The following ACACA variants were observed in gnomAD, a reference collection of about 807,000 sequenced individuals.
ACACA encodes acetyl-CoA carboxylase alpha, also known as acetyl-CoA carboxylase 1.
Under a neutral mutation model 296.1 loss-of-function variants are expected in ACACA, and 103 were observed. The ratio of observed to expected loss-of-function variants is 0.35; its 90% CI spans 0.30 to 0.41. ACACA has a LOEUF of 0.41. Ranked by LOEUF, ACACA falls within the 10% of genes least tolerant of loss-of-function variation. The pLI is 1.00. For synonymous variants in ACACA, 953 were observed against 1,038.6 expected (o/e 0.92, Z 1.58); for missense variants, 1,554 against 2,989.7 (o/e 0.52, Z 11.20).
At chr17:37,302,243 C>T (rs893253126) in intron 3 of ACACA, among the ~76,000 whole-genome samples, 3 of 150,256 alleles carry the variant, frequency 2.0e-5, no homozygotes, top group African/African-American at 7.4e-5. Flanking sequence ...GCTCTTGTGA[C>T]CCAGGCTGGA....
intron 45 of ACACA, among the ~76,000 whole-genome samples, chr17:37,147,783 T>C (rs925419525): frequency 2.0e-5 from 3 of 152,210 alleles, no homozygotes; most frequent in Non-Finnish European, 4.4e-5. Context: ...TATTTATCTT[T>C]CACCCTGTAA....
intron 49 of ACACA, among the ~76,000 whole-genome samples, 171 bp from the exon 50 acceptor site, chr17:37,121,661 C>T (rs185795863): frequency 6.6e-6 from 1 of 152,318 alleles, no homozygotes; most frequent in Non-Finnish European, 1.5e-5. Context: ...AAAGGATCCT[C>T]GATCTTTGAC....
intron 45 of ACACA, among the ~76,000 whole-genome samples, chr17:37,130,629 T>C (rs1362558117): frequency 1.3e-5 from 2 of 151,406 alleles, no homozygotes; most frequent in African/African-American, 4.9e-5. Context: ...ATCACATTCA[T>C]GGTTGCAATT....
chr17:37,274,199 C>T lies in ACACA; in HGVS notation c.1002G>A (p.Gly334=). The change falls in exon 9 of 56, where the codon GGG becomes GGA. Residue 334 remains glycine, a synonymous_variant. Coordinates refer to ENST00000616317, the MANE Select transcript of ACACA (RefSeq NM_198834.3). Reference sequence around the variant, plus strand: ...CCTGGAGTTAGTAACCTACCTGTAGCCCATCATCCACATCTTTCACATAAC... The same window carrying T: ...CCTGGAGTTAGTAACCTACCTGTAGTCCATCATCCACATCTTTCACATAAC... ...EKGYVKDVDD[G]LQAAEEVGYP... is the part of the protein sequence containing the mutation. 1 of 1,612,734 alleles carries T rather than the reference C, an allele frequency of 6.2e-7. No individual in the cohort carries two copies. Among genetic ancestry groups the T allele is most frequent in the South Asian group, 1.1e-5 (1 of 91,064 alleles).
At chr17:37,338,483 C>A (rs2048236975) in intron 2 of ACACA, among the ~76,000 whole-genome samples, 1 of 151,696 alleles carries the variant, frequency 6.6e-6, no homozygotes, top group Admixed American at 6.6e-5. Context: ...ACAGTGAAAC[C>A]CCATCTCTAC....
chr17:37,357,491 TCAAA>T (rs779727019), intron 1 of ACACA, among the ~76,000 whole-genome samples: 36 of 152,070 alleles, frequency 2.4e-4, no homozygotes, highest in Non-Finnish European at 4.6e-4. Context: ...AGACTCCATC[TCAAA>T]CAAACAAACA....
Position 37,343,757 on chromosome 17 carries a change from CTG to C in ACACA, c.39-3909_39-3908del, listed in dbSNP as rs2048489361. 2.3e-5 allele frequency among the ~76,000 whole-genome samples: 3 copies of C among 132,498 alleles called. No individual in the cohort carries two copies. The South Asian group carries it at 6.8e-4, about 30-fold the overall frequency. 86.9% of individuals were successfully genotyped at this position (132,498 alleles called of 152,430 possible). ...CCAGCCTGGGTGACAGAGTGAGACT[CTG>C]TCTCAAAAAAAAAAAAAAAAAAAGT... is the stretch of plus-strand genomic sequence containing the variant. On this transcript the variant is annotated intron_variant, in intron 1 of 55. Transcript: ENST00000616317.
intron 14 of ACACA, among the ~76,000 whole-genome samples, chr17:37,253,465 A>G (rs2081087497): frequency 1.3e-5 from 2 of 152,182 alleles, no homozygotes; most frequent in Admixed American, 1.3e-4. Flanking sequence ...GAAGGGAGAG[A>G]GGCAGTTCCA....
Position 37,113,555 on chromosome 17 carries a change from G to A in ACACA, c.6275-290C>T, listed in dbSNP as rs576368792. 2.6e-5 allele frequency among the ~76,000 whole-genome samples: 4 copies of A among 152,226 alleles called. No individual in the cohort carries two copies. Among genetic ancestry groups the A allele is most frequent in the South Asian group, 2.1e-4 (1 of 4,822 alleles). ...ATCCTCTCTGAATTTCTGTACTCAC[G>A]TTTCACCACATTAATTCACATTTGC... On this transcript the variant is annotated intron_variant, in intron 50 of 55. Coordinates refer to ENST00000616317, the MANE Select transcript of ACACA (RefSeq NM_198834.3). The surrounding 1 kb of genome is among the most constrained non-coding windows in gnomAD (Gnocchi z 4.0).
intron 55 of ACACA, among the ~76,000 whole-genome samples, chr17:37,088,480 G>A (rs968953887): frequency 1.3e-5 from 2 of 152,176 alleles, no homozygotes; most frequent in Non-Finnish European, 2.9e-5. Context: ...TAACTTTTCT[G>A]TAAGTGAAAT....
intron 14 of ACACA, among the ~76,000 whole-genome samples, chr17:37,254,207 A>G (rs1167794415): frequency 6.6e-6 from 1 of 152,180 alleles, no homozygotes; most frequent in East Asian, 1.9e-4. Flanking sequence ...TACTTACACA[A>G]AGTTCTGGAG....
chr17:37,378,045 C>T (rs1278881474), intron 1 of ACACA: 5 of 1,266,020 alleles, frequency 3.9e-6, no homozygotes, highest in Admixed American at 1.8e-5. Flanking sequence ...CATCTTCCCA[C>T]TTCCTAGCCC....
In ACACA at chr17:37,332,796, G is replaced by C. The variant is rs369120995; in HGVS notation, c.86-2371C>G. Among the ~76,000 whole-genome samples the C allele has an allele frequency of 5.3e-4, 81 of 151,652 alleles. No individual in the cohort carries two copies. The Middle Eastern group carries it at 0.014, about 25-fold the overall frequency. On this transcript the variant is annotated intron_variant, in intron 2 of 55. Coordinates refer to ENST00000616317, the MANE Select transcript of ACACA (RefSeq NM_198834.3). ...GTGTGGTAACAAGTGTATAATCCCA[G>C]CTACTCGGGAGGCTGAGGCAGAAGA...
intron 1 of ACACA, among the ~76,000 whole-genome samples, chr17:37,369,972 C>T (rs2049742478): frequency 6.6e-6 from 1 of 150,692 alleles, no homozygotes. Flanking sequence ...TCCCAAAGTG[C>T]TGGGATTACA....
intron 3 of ACACA, among the ~76,000 whole-genome samples, chr17:37,286,559 C>T (rs1189391431): frequency 5.3e-5 from 8 of 152,172 alleles, no homozygotes; most frequent in African/African-American, 1.7e-4. Context: ...AGAAAAGGGC[C>T]TTCCTTCCTA....
At chr17:37,103,913 G>A (rs919692232) in intron 52 of ACACA, among the ~76,000 whole-genome samples, 6 of 152,138 alleles carry the variant, frequency 3.9e-5, no homozygotes, top group Non-Finnish European at 4.4e-5. Flanking sequence ...ATGGTGAAGC[G>A]TGCCTGTAGT....
intron 25 of ACACA, among the ~76,000 whole-genome samples, chr17:37,227,570 AAAAC>A (rs2079598601): frequency 6.6e-6 from 1 of 152,132 alleles, no homozygotes; most frequent in Non-Finnish European, 1.5e-5. Context: ...AAAAATAAAT[AAAAC>A]AAAAAATTTT....
intron 1 of ACACA, among the ~76,000 whole-genome samples, chr17:37,382,763 G>T (rs922646857): frequency 1.3e-5 from 2 of 152,186 alleles, no homozygotes; most frequent in Admixed American, 6.5e-5. Context: ...AGGAGGCTGA[G>T]ACAGAAGAAT....
intron 1 of ACACA, among the ~76,000 whole-genome samples, chr17:37,349,289 G>A (rs1464632888): frequency 6.7e-6 from 1 of 150,002 alleles, no homozygotes; most frequent in African/African-American, 2.4e-5. Context: ...TCAAACTCCT[G>A]TCCTCAAGCA....
Sources: allele counts gnomAD v4.1 joint callset (sites outside exome capture counted in the v4.1 genomes callset), GRCh38; gene constraint gnomAD v4.1.1; non-coding constraint Gnocchi (gnomAD v3.1); transcripts MANE v1.5; gene names NCBI Gene and HGNC (gene_info 2026-07-23, HGNC 2026-07-21).